The following BEST3 variants were observed in gnomAD, a reference collection of about 807,000 sequenced individuals.
BEST3 encodes the protein bestrophin 3.
BEST3 carries 50 observed loss-of-function variants against 47.1 expected under a neutral mutation model. That is an observed-to-expected ratio of 1.06 (90% CI 0.85 to 1.34). The LOEUF (loss-of-function observed/expected upper bound fraction) is 1.34. Among genes scored for constraint, BEST3 ranks in the 40% most tolerant of loss-of-function variants. The pLI is 0.00. For synonymous variants in BEST3, 282 were observed against 298.8 expected, an observed-to-expected ratio of 0.94 and a Z score of 0.58; for missense variants, 765 against 817.0, an observed-to-expected ratio of 0.94 and a Z score of 0.78.
intron 9 of BEST3, among the ~76,000 whole-genome samples, chr12:69,657,191 G>A (rs1381855870): frequency 6.6e-6 from 1 of 151,978 alleles, no homozygotes; most frequent in African/African-American, 2.4e-5. Flanking sequence ...TGTCTCCCAG[G>A]TTCAAGTGAT....
chr12:69,672,733 G>A, intron 8 of BEST3, 152 bp downstream of exon 8: 1 of 566,262 alleles, frequency 1.8e-6, no homozygotes, highest in African/African-American at 1.9e-5. Context: ...GCTTCTGAAA[G>A]GACCTGAGAC....
intron 7 of BEST3, among the ~76,000 whole-genome samples, chr12:69,676,479 A>T (rs1440184100): frequency 6.6e-6 from 1 of 152,060 alleles, no homozygotes; most frequent in Non-Finnish European, 1.5e-5. Flanking sequence ...GCAGAATTTC[A>T]GGGAATTGCA....
chr12:69,647,239 G>T (rs1241599825), intron 9 of BEST3, among the ~76,000 whole-genome samples: 1 of 152,180 alleles, frequency 6.6e-6, no homozygotes, highest in Non-Finnish European at 1.5e-5. Flanking sequence ...AGTGTTGAAG[G>T]ATCCTGAACT....
intron 8 of BEST3, 70 bp from the exon 9 acceptor site, chr12:69,671,649 C>A: frequency 6.9e-7 from 1 of 1,450,568 alleles, no homozygotes; most frequent in Non-Finnish European, 9.6e-7. Context: ...TTTTTTTGGG[C>A]AGATGAGAGT....
chr12:69,664,176 A>G (rs539693764), intron 9 of BEST3, among the ~76,000 whole-genome samples: 1 of 152,346 alleles, frequency 6.6e-6, no homozygotes, highest in East Asian at 1.9e-4. Flanking sequence ...CCATGCAAAG[A>G]TCAAGAGACG....
chr12:69,651,034 C>T (rs1292983720), downstream of BEST3, among the ~76,000 whole-genome samples: 1 of 152,176 alleles, frequency 6.6e-6, no homozygotes, highest in East Asian at 1.9e-4. Context: ...ATCTCTTGAG[C>T]TAGGGAGTTC....
downstream of BEST3, among the ~76,000 whole-genome samples, chr12:69,653,029 A>T (rs1883261420): frequency 6.6e-6 from 1 of 152,210 alleles, no homozygotes; most frequent in African/African-American, 2.4e-5. Context: ...CTTTGAGAAA[A>T]GTCAGTTAAA....
At chr12:69,643,800 G>C in intron 9 of BEST3, 1 of 709,268 alleles carries the variant, frequency 1.4e-6, no homozygotes, top group South Asian at 1.5e-5. Context: ...GGGGAGAAGG[G>C]GAGAAGGGAG....
intron 9 of BEST3, chr12:69,669,677 T>C (rs1166191370): frequency 6.6e-6 from 1 of 152,248 alleles, no homozygotes; most frequent in Non-Finnish European, 1.5e-5. Flanking sequence ...AGCATCTTAA[T>C]GTTTACAATC....
intron 3 of BEST3, 136 bp from the exon 4 acceptor site, chr12:69,694,043 C>A (rs181013840): frequency 2.8e-6 from 2 of 705,428 alleles, no homozygotes; most frequent in Admixed American, 2.9e-5. Flanking sequence ...TCTGATTTTG[C>A]CTTCCAGAAA....
intron 4 of BEST3, among the ~76,000 whole-genome samples, chr12:69,679,288 C>T (rs922232596): frequency 4.6e-5 from 7 of 152,176 alleles, no homozygotes; most frequent in African/African-American, 1.7e-4. Context: ...GTATATAAAG[C>T]ACTTGGCATA....
At chr12:69,651,775 CAAAAAAAAAAGAAAAA>C (rs1883216993), downstream of BEST3, among the ~76,000 whole-genome samples, 2 of 53,476 alleles carry the variant, frequency 3.7e-5, no homozygotes, top group South Asian at 1.3e-3. Context: ...GACTCTGTCT[CAAAAAAAAAAGAAAAA>C]AAAAAAAAGA....
At chr12:69,653,450 G>C (rs542332240), downstream of BEST3, among the ~76,000 whole-genome samples, 1 of 152,236 alleles carries the variant, frequency 6.6e-6, no homozygotes, top group South Asian at 2.1e-4. Flanking sequence ...GATAAACCTG[G>C]GTTTGAAGAT....
At position 69,655,685 on chromosome 12, in the gene BEST3, C is replaced by A. The variant is rs761876753; in HGVS notation, c.1229G>T (p.Arg410Ile). The A allele has an allele frequency of 1.9e-6, 3 of 1,613,874 alleles. No homozygotes were observed. The highest frequency in any genetic ancestry group is 2.7e-5 in the African/African-American group (2 of 74,884). The part of the protein sequence containing the change: ...SAHEHPSSPR[R>I]RSYRRQTSDS... ...ACTTGTCTGCCTCCTGTAGCTTCTT[C>A]TTCTGGGGCTGGAGGGGTGTTCGTG... The change falls in exon 10 of 10, where the codon AGA becomes ATA. Residue 410 changes from arginine to isoleucine, a missense_variant. Coordinates refer to ENST00000330891, the MANE Select transcript of BEST3 (RefSeq NM_032735.3).
chr12:69,648,957 A>G (rs1883126263), downstream of BEST3, among the ~76,000 whole-genome samples: 2 of 152,228 alleles, frequency 1.3e-5, no homozygotes, highest in Admixed American at 6.5e-5. Flanking sequence ...TCCACAGTCT[A>G]GCAGCTTATT....
chr12:69,683,433 A>G (rs1295958805), intron 4 of BEST3: 1 of 152,252 alleles, frequency 6.6e-6, no homozygotes, highest in African/African-American at 2.4e-5. Context: ...ACTAAGCTAA[A>G]GGGAAAAGTC....
rs867936159 is a variant in BEST3 at position 69,678,947 on chromosome 12, C to T, written c.482-54G>A. ...ATACAGACTTAGTTTGACACTAATACGTTACCATATTTCAGCATCTATATA... is the reference window on the plus strand; with the variant it reads ...ATACAGACTTAGTTTGACACTAATATGTTACCATATTTCAGCATCTATATA... On this transcript the variant is annotated intron_variant, in intron 4 of 9. Transcript: ENST00000330891. The T allele has an allele frequency of 3.0e-5, 42 of 1,390,710 alleles. 4 individuals are homozygous for T. The Middle Eastern group carries it at 5.6e-3, about 184-fold the overall frequency. The allele number at this position is 1,390,710 out of a possible 1,614,324, so 86.1% of individuals were successfully genotyped here. A position where few individuals can be genotyped will look rare whatever the true frequency, so the allele number is the denominator to read the frequency against.
intron 9 of BEST3, among the ~76,000 whole-genome samples, chr12:69,665,142 A>T (rs11177785): frequency 8.4e-5 from 9 of 106,816 alleles, no homozygotes; most frequent in Admixed American, 6.3e-4. Flanking sequence ...AGTGGACAGC[A>T]CTACAGCGAA....
intron 4 of BEST3, among the ~76,000 whole-genome samples, chr12:69,690,398 A>C (rs775421): frequency 0.39 from 59,861 of 152,060 alleles, 12,517 homozygotes; most frequent in East Asian, 0.73. Context: ...AAATACACTC[A>C]AAGGAAATGA....
Sources: gnomAD v4.1 joint callset for allele counts (sites outside exome capture counted in the v4.1 genomes callset) on GRCh38, gnomAD v4.1.1 for gene constraint, MANE v1.5 for transcripts, NCBI Gene and HGNC (gene_info 2026-07-23, HGNC 2026-07-21) for gene names.